Variants in MYO1E observed in about 807,000 individuals in gnomAD.
MYO1E encodes the protein unconventional myosin-Ie.
A neutral mutation model predicts 151.1 loss-of-function variants in MYO1E; 68 were observed. The ratio of observed to expected loss-of-function variants is 0.45; its 90% confidence interval spans 0.37 to 0.55. The LOEUF is 0.55. Ranked by LOEUF, MYO1E falls within the 20% of genes least tolerant of loss-of-function variation. The pLI, the probability that MYO1E is intolerant of heterozygous loss-of-function variation, is 0.00. For synonymous variants in MYO1E, 601 were observed against 501.7 expected (o/e 1.20, Z -2.64); for missense variants, 1,363 against 1,389.3 (o/e 0.98, Z 0.30).
In MYO1E at chr15:59,227,546, A is replaced by G. The variant is rs2079999521; in HGVS notation, c.555T>C (p.Asp185=). Reference sequence around the variant, plus strand: ...GAAGGAAGTTGGAGATCTTTCCACCATCTGGTTCCCCACCTGGACTGAACT... The same window carrying G: ...GAAGGAAGTTGGAGATCTTTCCACCGTCTGGTTCCCCACCTGGACTGAACT... ...EIQFSPGGEP[D]GGKISNFLLE... Residue 185 remains aspartate (D), a synonymous_variant, in exon 7 of 28, where the codon GAT becomes GAC. Transcript: ENST00000288235. The G allele has an allele frequency of 1.2e-6, 2 of 1,614,176 alleles. No individual in the cohort carries two copies. Among genetic ancestry groups the G allele is most frequent in the Non-Finnish European group, 1.7e-6 (2 of 1,180,012 alleles).
At chr15:59,370,868 G>A (rs1304310443) in intron 1 of MYO1E, among the ~76,000 whole-genome samples, 4 of 151,954 alleles carry the variant, frequency 2.6e-5, no homozygotes, top group Admixed American at 1.3e-4. Flanking sequence ...ATTGACCCAC[G>A]GAAAATGATT....
chr15:59,226,628 G>A (rs1380048505), intron 7 of MYO1E, among the ~76,000 whole-genome samples: 1 of 152,142 alleles, frequency 6.6e-6, no homozygotes, highest in Admixed American at 6.5e-5. Flanking sequence ...GTAACATGGT[G>A]AAACCCCACC....
intron 6 of MYO1E, among the ~76,000 whole-genome samples, chr15:59,229,057 G>A (rs1468750397): frequency 6.6e-6 from 1 of 152,178 alleles, no homozygotes; most frequent in Non-Finnish European, 1.5e-5. Context: ...GAGAGCTCCC[G>A]TGCTTCCTTT....
rs373648216 is a variant in MYO1E at position 59,223,065 on chromosome 15, C to T, written c.904G>A (p.Glu302Lys). The change falls in exon 9 of 28, where the codon GAA becomes AAA. Residue 302 changes from glutamate (E) to lysine (K), a missense_variant. Physicochemically the swap from Glu to Lys is moderately conservative, Grantham distance 56. Transcript: ENST00000288235. Reference sequence around the variant, plus strand: ...ACATGCCAGGGCTACGCACACTCTTCACTCTCCACAGCCGCGTAGTTGCCA... The same window carrying T: ...ACATGCCAGGGCTACGCACACTCTTTACTCTCCACAGCCGCGTAGTTGCCA... ...EVGNYAAVES[E>K]EFLAFPAYLL... 7.1e-5 allele frequency: 115 copies of T among 1,614,070 alleles called. 3 individuals carry two copies. In the South Asian group the frequency reaches 1.0e-3, roughly 14 times the overall value.
At chr15:59,275,420 CCT>C (rs1157398104) in intron 1 of MYO1E, among the ~76,000 whole-genome samples, 18 of 152,170 alleles carry the variant, frequency 1.2e-4, no homozygotes, top group African/African-American at 3.6e-4. Flanking sequence ...GCCCTCCCTC[CCT>C]GTCTCCCTTC....
At chr15:59,175,662 G>A (rs185360814) in intron 19 of MYO1E, among the ~76,000 whole-genome samples, 1 of 152,216 alleles carries the variant, frequency 6.6e-6, no homozygotes, top group Non-Finnish European at 1.5e-5. Flanking sequence ...GTTGCCTGTT[G>A]TAAGAATATC....
At chr15:59,207,008 G>A in intron 14 of MYO1E, 1 of 1,614,076 alleles carries the variant, frequency 6.2e-7, no homozygotes, top group South Asian at 1.1e-5. Flanking sequence ...AATTTCCTAT[G>A]CCTGGGGATG....
chr15:59,223,779 T>C (rs1388433009), intron 8 of MYO1E, among the ~76,000 whole-genome samples: 1 of 152,142 alleles, frequency 6.6e-6, no homozygotes, highest in Non-Finnish European at 1.5e-5. Flanking sequence ...TTAAATGCAA[T>C]AAATACCGCT....
chr15:59,177,889 T>C (rs2079634440), intron 19 of MYO1E, among the ~76,000 whole-genome samples: 1 of 152,204 alleles, frequency 6.6e-6, no homozygotes, highest in Admixed American at 6.5e-5. Flanking sequence ...GGTACAATCC[T>C]GGGAATTCCC....
intron 1 of MYO1E, among the ~76,000 whole-genome samples, chr15:59,355,888 G>A (rs1006219764): frequency 6.6e-6 from 1 of 152,102 alleles, no homozygotes; most frequent in African/African-American, 2.4e-5. Context: ...GCTAATTTTC[G>A]TTTATTTTTT....
intron 1 of MYO1E, among the ~76,000 whole-genome samples, chr15:59,370,828 G>A (rs1197012215): frequency 1.3e-5 from 2 of 152,172 alleles, no homozygotes; most frequent in African/African-American, 2.4e-5. Flanking sequence ...TTAAGTTCTT[G>A]ACATAAACAC....
chr15:59,317,696 C>T (rs904594075), intron 1 of MYO1E, among the ~76,000 whole-genome samples: 2 of 152,124 alleles, frequency 1.3e-5, no homozygotes, highest in Non-Finnish European at 2.9e-5. Context: ...GGAGGCAGAA[C>T]TGGGGGACAG....
intron 1 of MYO1E, among the ~76,000 whole-genome samples, chr15:59,366,840 GTTTAT>G (rs753659393): frequency 6.6e-6 from 1 of 151,880 alleles, no homozygotes; most frequent in African/African-American, 2.4e-5. Flanking sequence ...AGGCTGAGAT[GTTTAT>G]TTTAATACCT....
chr15:59,364,088 A>C (rs2080900071), intron 1 of MYO1E, among the ~76,000 whole-genome samples: 1 of 152,078 alleles, frequency 6.6e-6, no homozygotes, highest in Non-Finnish European at 1.5e-5. Context: ...CTAATTCACC[A>C]AGCCTGTATG....
intron 26 of MYO1E, among the ~76,000 whole-genome samples, chr15:59,149,039 T>TTTTTTTTTTG (rs1566964327): frequency 1.5e-4 from 10 of 65,586 alleles, no homozygotes; most frequent in African/African-American, 6.1e-4. Flanking sequence ...GGATGAACTG[T>TTTTTTTTTTG]TTTTTTTTTT....
intron 4 of MYO1E, among the ~76,000 whole-genome samples, chr15:59,237,931 A>T (rs972720133): frequency 1.3e-5 from 2 of 152,230 alleles, no homozygotes; most frequent in East Asian, 3.8e-4. Flanking sequence ...ACGGTTTTAA[A>T]GAAATTATGG....
intron 1 of MYO1E, among the ~76,000 whole-genome samples, chr15:59,369,815 A>G (rs1187866303): frequency 2.6e-5 from 4 of 152,152 alleles, no homozygotes; most frequent in Admixed American, 1.3e-4. Context: ...TCACAACTGA[A>G]TGAGTCTTAG....
chr15:59,225,134 G>C (rs2079981752), intron 7 of MYO1E, among the ~76,000 whole-genome samples: 1 of 152,182 alleles, frequency 6.6e-6, no homozygotes, highest in Non-Finnish European at 1.5e-5. Context: ...ACTTGCTATG[G>C]CTTTTTAAGC....
rs147462428 is a variant in MYO1E at position 59,308,083 on chromosome 15, T to C, written c.4-35634A>G. 2.5e-4 allele frequency among the ~76,000 whole-genome samples: 38 copies of C among 150,034 alleles called. 1 individual carries two copies. The East Asian group carries it at 6.8e-3, about 27-fold the overall frequency. On this transcript the variant is annotated intron_variant, in intron 1 of 27. Transcript: ENST00000288235. ...AAACAAAAAACAAAAATTAGCCGGA[T>C]GTGGTGGCATGCATCTGTAGTCCCA...
Sources: allele counts gnomAD v4.1 joint callset (sites outside exome capture counted in the v4.1 genomes callset), GRCh38; gene constraint gnomAD v4.1.1; transcripts MANE v1.5; gene names NCBI Gene and HGNC (gene_info 2026-07-23, HGNC 2026-07-21).